Variants in NAV3 observed in about 807,000 individuals in gnomAD.
NAV3 encodes neuron navigator 3, also known as pore membrane and/or filament interacting like protein 1.
A neutral mutation model predicts 244.7 loss-of-function variants in NAV3; 87 were observed. That is an observed-to-expected ratio of 0.36 (90% confidence interval 0.30 to 0.42). The LOEUF (loss-of-function observed/expected upper bound fraction) is 0.42. Among genes scored for constraint, NAV3 ranks in the 20% least tolerant of loss-of-function variants. The pLI, the probability that NAV3 is intolerant of heterozygous loss-of-function variation, is 1.00. For missense variants in NAV3, 2,663 were observed against 2,893.3 expected, an observed-to-expected ratio of 0.92 and a Z score of 1.83; for synonymous variants, 1,126 against 1,042.2, an observed-to-expected ratio of 1.08 and a Z score of -1.55.
chr12:78,074,575 G>A (rs1450854651), intron 12 of NAV3, among the ~76,000 whole-genome samples: 6 of 152,082 alleles, frequency 3.9e-5, no homozygotes, highest in African/African-American at 7.2e-5. Context: ...GTGGTGGCTC[G>A]TGCCTGTATT....
intron 5 of NAV3, among the ~76,000 whole-genome samples, chr12:77,980,793 G>A (rs1030110937): frequency 5.2e-4 from 79 of 152,246 alleles, no homozygotes; most frequent in African/African-American, 1.8e-3. Flanking sequence ...AATTTATGGT[G>A]ATATTGTAAA....
intron 1 of NAV3, among the ~76,000 whole-genome samples, chr12:77,903,397 G>T (rs1431570034): frequency 6.6e-6 from 1 of 152,156 alleles, no homozygotes; most frequent in Non-Finnish European, 1.5e-5. Context: ...ATGGGGAAAG[G>T]ATTCCCTATT....
At chr12:77,986,232 C>T (rs963490152) in intron 5 of NAV3, among the ~76,000 whole-genome samples, 27 of 151,952 alleles carry the variant, frequency 1.8e-4, no homozygotes, top group South Asian at 6.2e-4. Flanking sequence ...TGTGGTGGCA[C>T]GCACCCGTAA....
chr12:78,178,074 GT>G, intron 28 of NAV3, among the ~76,000 whole-genome samples: 1 of 150,944 alleles, frequency 6.6e-6, no homozygotes. Flanking sequence ...GGCACAATAA[GT>G]GATTAACAGC....
chr12:77,972,183 A>AGG (rs1893050732), intron 5 of NAV3, among the ~76,000 whole-genome samples: 1 of 151,776 alleles, frequency 6.6e-6, no homozygotes, highest in Non-Finnish European at 1.5e-5. Context: ...TGTGAGCTTG[A>AGG]GTGTGTGTGT....
Position 78,016,885 on chromosome 12 carries a change from G to A in NAV3, c.1908-4862G>A, listed in dbSNP as rs973686311. Among the ~76,000 whole-genome samples, 6 of 152,064 alleles carry A rather than the reference G, an allele frequency of 3.9e-5. No individual in the cohort carries two copies. The South Asian group carries it at 1.0e-3, about 26-fold the overall frequency. On this transcript the variant is annotated intron_variant, in intron 8 of 39. Transcript: ENST00000397909. The stretch of plus-strand genomic sequence containing the variant: ...TCAGTACATAAAGAATAACATTTAG[G>A]TTAGACCAGTGGAAGTGTCACATTT...
At chr12:77,691,315 A>G in intron 2 of NAV3, among the ~76,000 whole-genome samples, 1 of 85,484 alleles carries the variant, frequency 1.2e-5, no homozygotes. Flanking sequence ...ATATAGTCAT[A>G]TATAAGTATT....
chr12:78,033,194 A>T, intron 9 of NAV3, among the ~76,000 whole-genome samples: 1 of 152,196 alleles, frequency 6.6e-6, no homozygotes, highest in East Asian at 1.9e-4. Flanking sequence ...AAAGTGGGAA[A>T]TATCTGACAT....
chr12:77,699,178 G>C (rs1191602973), intron 2 of NAV3, among the ~76,000 whole-genome samples: 1 of 152,062 alleles, frequency 6.6e-6, no homozygotes. Flanking sequence ...AGCAATAGAA[G>C]ACACGCTGGC....
At chr12:77,875,693 T>C (rs954873025) in intron 1 of NAV3, among the ~76,000 whole-genome samples, 1 of 152,118 alleles carries the variant, frequency 6.6e-6, no homozygotes, top group Admixed American at 6.5e-5. Flanking sequence ...ATATATTTAA[T>C]TGACTGTATT....
chr12:77,730,361 A>T (rs1199718823), intron 2 of NAV3, among the ~76,000 whole-genome samples: 11 of 151,936 alleles, frequency 7.2e-5, no homozygotes, highest in Admixed American at 7.2e-4. Context: ...GAACAAAAAG[A>T]TTTTTAGAAA....
chr12:78,053,513 G>A (rs1216395939), intron 11 of NAV3, among the ~76,000 whole-genome samples: 6 of 151,946 alleles, frequency 3.9e-5, no homozygotes, highest in Non-Finnish European at 1.5e-5. Flanking sequence ...CATTCACGTG[G>A]AACTCCCAGC....
intron 2 of NAV3, among the ~76,000 whole-genome samples, chr12:77,804,489 T>C (rs1281005940): frequency 6.6e-6 from 1 of 152,080 alleles, no homozygotes; most frequent in Non-Finnish European, 1.5e-5. Flanking sequence ...GTAGATGGGT[T>C]GCATTATTTC....
At chr12:78,140,918 G>T (rs931730585) in intron 20 of NAV3, among the ~76,000 whole-genome samples, 3 of 150,986 alleles carry the variant, frequency 2.0e-5, no homozygotes, top group Admixed American at 6.6e-5. Flanking sequence ...TTGAGTCGAG[G>T]TCTTGCTTTG....
intron 2 of NAV3, among the ~76,000 whole-genome samples, chr12:77,677,905 C>T (rs532878129): frequency 6.6e-6 from 1 of 152,090 alleles, no homozygotes; most frequent in Non-Finnish European, 1.5e-5. Context: ...TTTTTCTAGT[C>T]ACTGGTTAGT....
intron 2 of NAV3, among the ~76,000 whole-genome samples, chr12:77,622,403 C>G (rs1161809372): frequency 6.6e-6 from 1 of 152,036 alleles, no homozygotes; most frequent in African/African-American, 2.4e-5. Flanking sequence ...TTGTGATCTG[C>G]CCGCCTCAGC....
intron 1 of NAV3, among the ~76,000 whole-genome samples, chr12:77,869,973 C>T (rs780217376): frequency 6.6e-6 from 1 of 152,126 alleles, no homozygotes; most frequent in Non-Finnish European, 1.5e-5. Context: ...TAAACACATG[C>T]TCTTTTGTTG....
chr12:77,915,165 T>G (rs1406108800), intron 1 of NAV3, among the ~76,000 whole-genome samples: 3 of 152,056 alleles, frequency 2.0e-5, no homozygotes, highest in African/African-American at 4.8e-5. Context: ...CTGCACATTT[T>G]CTTTGGCTTT....
At chr12:77,975,920 G>T (rs148475351) in intron 5 of NAV3, among the ~76,000 whole-genome samples, 1 of 152,292 alleles carries the variant, frequency 6.6e-6, no homozygotes, top group East Asian at 1.9e-4. Flanking sequence ...CATGGAAAAA[G>T]CTTGGGCTAT....
Sources: gnomAD v4.1 joint callset for allele counts (sites outside exome capture counted in the v4.1 genomes callset) on GRCh38, gnomAD v4.1.1 for gene constraint, MANE v1.5 for transcripts, NCBI Gene and HGNC (gene_info 2026-07-23, HGNC 2026-07-21) for gene names.